Variants in BICRAL observed in about 807,000 individuals in gnomAD.
BICRAL encodes the protein BRD4-interacting chromatin-remodeling complex-associated protein-like.
In BICRAL, 8 loss-of-function variants were observed where a neutral mutation model predicts 91.8. The ratio of observed to expected loss-of-function variants is 0.09; its 90% CI spans 0.05 to 0.16. The LOEUF (loss-of-function observed/expected upper bound fraction) is 0.16, where lower values mean the gene tolerates loss of function less well. Ranked by LOEUF, BICRAL falls within the 10% of genes least tolerant of loss-of-function variation. BICRAL has a pLI of 1.00. For synonymous variants in BICRAL, 445 were observed against 491.1 expected, an observed-to-expected ratio of 0.91 and a Z score of 1.24; for missense variants, 1,038 against 1,310.9, an observed-to-expected ratio of 0.79 and a Z score of 3.21.
chr6:42,756,164 G>A (rs990783245), intron 1 of BICRAL, among the ~76,000 whole-genome samples: 3 of 152,076 alleles, frequency 2.0e-5, no homozygotes, highest in Admixed American at 6.6e-5. Flanking sequence ...TTTCTCAATC[G>A]TCATTCCCTC....
chr6:42,769,128 A>G (rs368622151), intron 1 of BICRAL, among the ~76,000 whole-genome samples: 12 of 152,268 alleles, frequency 7.9e-5, no homozygotes, highest in African/African-American at 2.9e-4. Context: ...AGCTTAGTTG[A>G]GTGTTTTTGT....
chr6:42,852,520 G>A (rs1284389179), intron 7 of BICRAL: 10 of 422,038 alleles, frequency 2.4e-5, no homozygotes, highest in Middle Eastern at 5.8e-4. Context: ...AAATTAGCCA[G>A]GCATGGTGGC....
chr6:42,847,093 T>C (rs977600792), intron 6 of BICRAL, among the ~76,000 whole-genome samples: 2 of 151,918 alleles, frequency 1.3e-5, no homozygotes, highest in African/African-American at 2.4e-5. Context: ...CTACTGAAAA[T>C]AGAAACATTA....
chr6:42,757,815 G>A (rs1360126426), intron 1 of BICRAL, among the ~76,000 whole-genome samples: 1 of 152,202 alleles, frequency 6.6e-6, no homozygotes, highest in African/African-American at 2.4e-5. Flanking sequence ...ATGAAGAACT[G>A]AAGTGAAGCT....
At chr6:42,763,088 C>A (rs910944148) in intron 1 of BICRAL, among the ~76,000 whole-genome samples, 2 of 152,166 alleles carry the variant, frequency 1.3e-5, no homozygotes, top group Non-Finnish European at 2.9e-5. Flanking sequence ...GGTGAATGAG[C>A]CCAAAGGTCA....
intron 2 of BICRAL, among the ~76,000 whole-genome samples, chr6:42,820,845 G>T (rs554967253): frequency 2.0e-5 from 3 of 152,178 alleles, no homozygotes; most frequent in Non-Finnish European, 4.4e-5. Flanking sequence ...AAGATCACTG[G>T]CAGATCCCAG....
At chr6:42,858,858 G>T (rs1012424966) in intron 10 of BICRAL, among the ~76,000 whole-genome samples, 3 of 151,906 alleles carry the variant, frequency 2.0e-5, no homozygotes, top group Admixed American at 1.3e-4. Context: ...AGAGATAAGA[G>T]CCCCTTCCCC....
At chr6:42,840,062 G>A (rs1041933844) in intron 6 of BICRAL, among the ~76,000 whole-genome samples, 4 of 152,080 alleles carry the variant, frequency 2.6e-5, no homozygotes, top group African/African-American at 9.7e-5. Context: ...ATTAGTATAG[G>A]TCCAAATTTC....
intron 1 of BICRAL, among the ~76,000 whole-genome samples, chr6:42,748,737 C>T (rs921072568): frequency 2.0e-5 from 3 of 152,108 alleles, no homozygotes; most frequent in Non-Finnish European, 2.9e-5. Context: ...TTTACAGCCC[C>T]CCTGCACAGC....
intron 6 of BICRAL, among the ~76,000 whole-genome samples, chr6:42,847,926 G>A (rs375825100): frequency 1.0e-3 from 154 of 152,130 alleles, no homozygotes; most frequent in South Asian, 4.8e-3. Context: ...TCAGGAAATC[G>A]AGACCATCCT....
In BICRAL at chr6:42,848,114, G is replaced by A. The variant is rs538913151; in HGVS notation, c.1840-3978G>A. Among the ~76,000 whole-genome samples, 4 of 151,932 alleles carry A rather than the reference G, an allele frequency of 2.6e-5. No individual in the cohort carries two copies. In the East Asian group the frequency reaches 7.7e-4, roughly 29 times the overall value. ...ACTGCACTCCAGCCTGGGCGACAGA[G>A]TGAGACTCTGTCTCAAAAAGAAAAA... On this transcript the variant is annotated intron_variant, in intron 6 of 12. Transcript: ENST00000314073.
In BICRAL at chr6:42,840,292, G is replaced by T. The variant is rs561778824; in HGVS notation, c.1839+10120G>T. On this transcript the variant is annotated intron_variant, in intron 6 of 12. Coordinates refer to ENST00000314073, the MANE Select transcript of BICRAL (RefSeq NM_001393499.1). Reference sequence around the variant, plus strand: ...GAGTCTCGCTCTATCACCCAGGCTGGAGTGCAGTGGTGCAATCTTGGCCCA... The same window carrying T: ...GAGTCTCGCTCTATCACCCAGGCTGTAGTGCAGTGGTGCAATCTTGGCCCA... 3.7e-3 allele frequency among the ~76,000 whole-genome samples: 566 copies of T among 152,180 alleles called. 2 individuals carry two copies. The highest frequency in any genetic ancestry group is 5.5e-3 in the Non-Finnish European group (376 of 68,012).
chr6:42,854,828 T>G (rs538098933), intron 8 of BICRAL, among the ~76,000 whole-genome samples: 2 of 152,300 alleles, frequency 1.3e-5, no homozygotes, highest in African/African-American at 4.8e-5. Flanking sequence ...GCCTAGTTTT[T>G]TTTGTTTGTT....
chr6:42,814,519 A>ATATATATT (rs1237976324), intron 2 of BICRAL, among the ~76,000 whole-genome samples: 134 of 80,204 alleles, frequency 1.7e-3, no homozygotes, highest in Non-Finnish European at 2.5e-3. Context: ...ATATATATAT[A>ATATATATT]TTTTTTTTTT....
At chr6:42,767,180 G>A (rs552953447) in intron 1 of BICRAL, among the ~76,000 whole-genome samples, 1 of 152,076 alleles carries the variant, frequency 6.6e-6, no homozygotes, top group Admixed American at 6.6e-5. Flanking sequence ...GAAAAGAGGA[G>A]AGAGGAATGT....
chr6:42,814,980 A>T (rs1763950476), intron 2 of BICRAL, among the ~76,000 whole-genome samples: 1 of 148,432 alleles, frequency 6.7e-6, no homozygotes, highest in South Asian at 2.1e-4. Flanking sequence ...GTGCAATCTC[A>T]GCTCATTGCA....
At chr6:42,781,162 GCT>G (rs553513536), upstream of BICRAL, among the ~76,000 whole-genome samples, 74 of 152,138 alleles carry the variant, frequency 4.9e-4, 1 homozygote, top group African/African-American at 1.7e-3. Flanking sequence ...AGATTGACTA[GCT>G]CTCTTTTAAG....
rs146331532 is a variant in BICRAL, at chr6:42,830,817, G to A, written c.1839+645G>A. Among the ~76,000 whole-genome samples, 1,009 of 152,196 alleles carry A rather than the reference G, an allele frequency of 6.6e-3. 18 individuals are homozygous for A. The highest frequency in any genetic ancestry group is 0.023 in the African/African-American group (960 of 41,530). On this transcript the variant is annotated intron_variant, in intron 6 of 12. Coordinates refer to ENST00000314073, the MANE Select transcript of BICRAL (RefSeq NM_001393499.1). ...TTTTTTGTAGATTTGGGGTTTCGCC[G>A]TGTTGCCCAGGCTGGTCTTGAACTC...
chr6:42,799,426 C>T (rs1367545209), intron 1 of BICRAL, among the ~76,000 whole-genome samples: 2 of 151,712 alleles, frequency 1.3e-5, no homozygotes, highest in Non-Finnish European at 2.9e-5. Context: ...AGTCTCCTGG[C>T]TGGGACTACA....
Sources: gnomAD v4.1 joint callset for allele counts (sites outside exome capture counted in the v4.1 genomes callset) on GRCh38, gnomAD v4.1.1 for gene constraint, MANE v1.5 for transcripts, NCBI Gene and HGNC (gene_info 2026-07-23, HGNC 2026-07-21) for gene names.